GSPT1: variants seen among roughly 807,000 people sequenced by gnomAD.
GSPT1 encodes the protein G1 to S phase transition 1.
In GSPT1, 20 loss-of-function variants were observed where a neutral mutation model predicts 72.5. The ratio of observed to expected loss-of-function variants is 0.28; its 90% CI spans 0.19 to 0.40. GSPT1 has a LOEUF of 0.40. Among genes scored for constraint, GSPT1 ranks in the 10% least tolerant of loss-of-function variants. The pLI is 1.00. For synonymous variants in GSPT1, 334 were observed against 293.5 expected, an observed-to-expected ratio of 1.14 and a Z score of -1.41; for missense variants, 580 against 811.9, an observed-to-expected ratio of 0.71 and a Z score of 3.47.
rs557078616 is a variant in GSPT1, at chr16:11,882,751, T to TA, written c.1428+263dup. 3.9e-3 allele frequency among the ~76,000 whole-genome samples: 599 copies of TA among 152,034 alleles called. 5 individuals are homozygous for TA. Among genetic ancestry groups the TA allele is most frequent in the Non-Finnish European group, 5.6e-3 (379 of 67,980 alleles). ...GGGAGGATTGTTTGAGGCCAGGAGTTAGAGACTAGTCTGGTCAACATAGTG... is the reference window on the plus strand; with the variant it reads ...GGGAGGATTGTTTGAGGCCAGGAGTTAAGAGACTAGTCTGGTCAACATAGTG... On this transcript the variant is annotated intron_variant, in intron 11 of 14. Coordinates refer to ENST00000434724, the MANE Select transcript of GSPT1 (RefSeq NM_002094.4).
intron 1 of GSPT1, among the ~76,000 whole-genome samples, chr16:11,905,053 G>T (rs1346100286): frequency 6.6e-6 from 1 of 152,200 alleles, no homozygotes; most frequent in East Asian, 1.9e-4. Context: ...GGGTGACAGA[G>T]TAAGACCCTG....
intron 1 of GSPT1, among the ~76,000 whole-genome samples, chr16:11,904,810 G>GT (rs1459242300): frequency 6.6e-6 from 1 of 152,210 alleles, no homozygotes; most frequent in African/African-American, 2.4e-5. Flanking sequence ...TTCAAGCCGG[G>GT]TGTAGTGGCT....
At position 11,896,869 on chromosome 16, in the gene GSPT1, G is replaced by T. The variant is rs528719217; in HGVS notation, c.437-84C>A. The T allele has an allele frequency of 1.6e-4, 148 of 910,226 alleles. No homozygotes were observed. In the South Asian group the frequency reaches 2.2e-3, roughly 13 times the overall value. The allele number at this position is 910,226 out of a possible 1,614,324, so 56.4% of individuals were successfully genotyped here. A position where few individuals can be genotyped will look rare whatever the true frequency, so the allele number is the denominator to read the frequency against. On this transcript the variant is annotated intron_variant, in intron 3 of 14. Transcript: ENST00000434724. The stretch of plus-strand genomic sequence containing the variant: ...ATACACTAGCTTTAAAACAACAAAT[G>T]GAAGTTTGCATATGTAGTTCCATTT...
Position 11,897,863 on chromosome 16 carries a change from C to T in GSPT1, c.413G>A (p.Ser138Asn). ...ACCAATAGGTTCTGAAAGTTCCATG[C>T]TAACAGCTGAATTTGAACCTAGACA... ...SLCEGSNSAV[S>N]MELSEPIVEN... is the part of the protein sequence containing the mutation. The change falls in exon 3 of 15, where the codon AGC becomes AAC. Residue 138 changes from serine (S) to asparagine (N), a missense_variant. This residue lies in a region of GSPT1 where 327 missense variants were observed against 298.8 expected (regional missense o/e 1.09). Transcript: ENST00000434724. 2 of 1,542,824 alleles carry T rather than the reference C, an allele frequency of 1.3e-6. No homozygotes were observed. Among genetic ancestry groups the T allele is most frequent in the Non-Finnish European group, 1.8e-6 (2 of 1,132,534 alleles).
chr16:11,889,124 C>T (rs1182385190), intron 6 of GSPT1, among the ~76,000 whole-genome samples: 4 of 151,800 alleles, frequency 2.6e-5, no homozygotes, highest in Non-Finnish European at 5.9e-5. Context: ...GTAGCTAACA[C>T]GGTGAAACCC....
intron 7 of GSPT1, 35 bp downstream of exon 7, chr16:11,887,535 C>A: frequency 6.4e-7 from 1 of 1,571,928 alleles, no homozygotes; most frequent in South Asian, 1.1e-5. Flanking sequence ...GGGCTACTAA[C>A]AAATATACAG....
intron 1 of GSPT1, among the ~76,000 whole-genome samples, chr16:11,898,260 T>C (rs1037844423): frequency 4.6e-5 from 7 of 152,170 alleles, no homozygotes; most frequent in Non-Finnish European, 8.8e-5. Context: ...TTCAGTAGTT[T>C]CAATGTATTC....
At chr16:11,901,047 G>A (rs1419058714) in intron 1 of GSPT1, among the ~76,000 whole-genome samples, 1 of 152,132 alleles carries the variant, frequency 6.6e-6, no homozygotes, top group Non-Finnish European at 1.5e-5. Context: ...GGCGGCATGC[G>A]CCTGCAGTCC....
chr16:11,886,494 C>T lies in GSPT1; in HGVS notation c.1230G>A (p.Gln410=), dbSNP rs1313368045. ...SGLTGANLKE[Q]SDFCPWYIGL... ...ACATGTACCAAGGACAGAAATCCGA[C>T]TGCTCTTTGAGATTTGCTCCAGTAA... Residue 410 remains glutamine (Q), a synonymous_variant, in exon 9 of 15, where the codon CAG becomes CAA. Transcript: ENST00000434724. 6.2e-7 allele frequency: 1 copy of T among 1,613,072 alleles called. No individual in the cohort carries two copies. The highest frequency in any genetic ancestry group is 2.2e-5 in the East Asian group (1 of 44,858).
Position 11,877,763 on chromosome 16 carries a change from C to T in GSPT1, c.1429-183G>A, listed in dbSNP as rs2054066227. On this transcript the variant is annotated intron_variant, in intron 11 of 14. Coordinates refer to ENST00000434724, the MANE Select transcript of GSPT1 (RefSeq NM_002094.4). This position sits in a 1 kb window ranked among gnomAD's most constrained non-coding sequence, Gnocchi z 4.0. The stretch of plus-strand genomic sequence containing the variant: ...CAAAAATCATATCCTAGAAGTATAA[C>T]TGCCAATTAAAGTATTAACGTGTCA... Among the ~76,000 whole-genome samples, 1 of 152,204 alleles carries T rather than the reference C, an allele frequency of 6.6e-6. No homozygotes were observed. The highest frequency in any genetic ancestry group is 2.4e-5 in the African/African-American group (1 of 41,460).
At chr16:11,882,303 C>G (rs1176652372) in intron 11 of GSPT1, 1 of 152,188 alleles carries the variant, frequency 6.6e-6, no homozygotes, top group East Asian at 1.9e-4. Context: ...ATTATTTTCA[C>G]TCATATGTTA....
intron 5 of GSPT1, among the ~76,000 whole-genome samples, chr16:11,892,829 CAA>C (rs57546698): frequency 0.025 from 771 of 31,122 alleles, 3 homozygotes; most frequent in African/African-American, 0.081. Context: ...GATTCTGTCT[CAA>C]AAAAAAAAAA....
intron 1 of GSPT1, among the ~76,000 whole-genome samples, chr16:11,904,332 A>G (rs1240428273): frequency 6.6e-6 from 1 of 152,064 alleles, no homozygotes; most frequent in African/African-American, 2.4e-5. Context: ...CCTCCCGAGT[A>G]GCTGGGACTA....
chr16:11,887,785 A>G (rs917724104), intron 6 of GSPT1, 35 bp from the exon 7 acceptor site: 7 of 1,405,408 alleles, frequency 5.0e-6, no homozygotes, highest in Non-Finnish European at 9.9e-7. Context: ...CAATATTCCT[A>G]AGAACATCAG....
At chr16:11,898,582 C>T (rs2054369157) in intron 1 of GSPT1, among the ~76,000 whole-genome samples, 1 of 151,710 alleles carries the variant, frequency 6.6e-6, no homozygotes, top group Admixed American at 6.6e-5. Context: ...CTCCTGAGTA[C>T]CTGGGATCAC....
chr16:11,905,958 T>C (rs1216261482), intron 1 of GSPT1, among the ~76,000 whole-genome samples: 2 of 152,254 alleles, frequency 1.3e-5, no homozygotes, highest in Non-Finnish European at 2.9e-5. Context: ...TCTACTTCAG[T>C]AGTCTCAACA....
chr16:11,912,358 A>C (rs912463012), intron 1 of GSPT1, among the ~76,000 whole-genome samples: 5 of 152,108 alleles, frequency 3.3e-5, no homozygotes, highest in Admixed American at 1.3e-4. Flanking sequence ...AAAAAAAAAA[A>C]AAAACAAAAA....
intron 9 of GSPT1, among the ~76,000 whole-genome samples, chr16:11,886,267 T>C (rs1269999872): frequency 2.6e-5 from 4 of 152,142 alleles, no homozygotes; most frequent in Non-Finnish European, 5.9e-5. Context: ...TAGGACTCAG[T>C]AACAAAATGA....
intron 6 of GSPT1, among the ~76,000 whole-genome samples, chr16:11,890,259 CTA>C (rs1164246917): frequency 6.6e-6 from 1 of 152,148 alleles, no homozygotes; most frequent in Non-Finnish European, 1.5e-5. Context: ...TGTGCCAGGA[CTA>C]AAACTTTTTA....
Sources: allele counts gnomAD v4.1 joint callset (sites outside exome capture counted in the v4.1 genomes callset), GRCh38; gene constraint gnomAD v4.1.1; regional missense constraint gnomAD v4.1.1; non-coding constraint Gnocchi (gnomAD v3.1); transcripts MANE v1.5; gene names NCBI Gene and HGNC (gene_info 2026-07-23, HGNC 2026-07-21).